Variants in PDE6A observed in about 807,000 individuals in gnomAD.
PDE6A encodes the protein rod cGMP-specific 3',5'-cyclic phosphodiesterase subunit alpha.
A neutral mutation model predicts 106.3 loss-of-function variants in PDE6A; 84 were observed. The observed-to-expected ratio is 0.79, with a 90% CI of 0.66 to 0.95. PDE6A has a LOEUF of 0.95. Ranked by LOEUF, PDE6A falls within the 40% of genes least tolerant of loss-of-function variation. The pLI is 0.00. For missense variants in PDE6A, 1,052 were observed against 1,084.9 expected (o/e 0.97, Z 0.43); for synonymous variants, 394 against 386.6 (o/e 1.02, Z -0.23).
intron 6 of PDE6A, among the ~76,000 whole-genome samples, chr5:149,911,481 C>T (rs1379001980): frequency 6.6e-6 from 1 of 152,114 alleles, no homozygotes; most frequent in African/African-American, 2.4e-5. Flanking sequence ...GTAGATGAAA[C>T]TTATTGTAAC....
Position 149,931,170 on chromosome 5 carries a change from T to C in PDE6A, c.718-2A>G. 6.2e-7 allele frequency: 1 copy of C among 1,614,048 alleles called. No individual in the cohort carries two copies. The highest frequency in any genetic ancestry group is 8.5e-7 in the Non-Finnish European group (1 of 1,179,964). On this transcript the variant is annotated splice_acceptor_variant, in intron 3 of 21. Coordinates refer to ENST00000255266, the MANE Select transcript of PDE6A (RefSeq NM_000440.3). LOFTEE classifies it high-confidence loss of function. ...TTTGCTCCCAGACCACAGCAGTATC[T>C]GAAAAAACACAAAAACATATTCATA...
At chr5:149,938,986 C>A (rs932565274) in intron 1 of PDE6A, among the ~76,000 whole-genome samples, 1 of 152,090 alleles carries the variant, frequency 6.6e-6, no homozygotes, top group Non-Finnish European at 1.5e-5. Context: ...GAATCTAGAC[C>A]CCTGTCTACA....
intron 8 of PDE6A, among the ~76,000 whole-genome samples, chr5:149,901,046 G>T (rs2113600502): frequency 6.6e-6 from 1 of 152,144 alleles, no homozygotes; most frequent in Non-Finnish European, 1.5e-5. Flanking sequence ...CTCCCAAGTA[G>T]CTGGGATTAC....
chr5:149,884,131 G>C (rs555448912), intron 16 of PDE6A, among the ~76,000 whole-genome samples: 1 of 151,038 alleles, frequency 6.6e-6, no homozygotes, highest in African/African-American at 2.4e-5. Flanking sequence ...GCAGTGAGCT[G>C]TGATGGTGCC....
intron 21 of PDE6A, among the ~76,000 whole-genome samples, chr5:149,862,543 G>A (rs921451274): frequency 1.3e-5 from 2 of 152,190 alleles, no homozygotes; most frequent in African/African-American, 4.8e-5. Flanking sequence ...TGGATCACCT[G>A]AGGTCAGGAG....
intron 14 of PDE6A, 101 bp from the exon 15 acceptor site, chr5:149,884,968 T>A: frequency 4.2e-6 from 4 of 950,782 alleles, no homozygotes; most frequent in Non-Finnish European, 6.7e-6. Context: ...CCACAAGTGA[T>A]TCCGAGTTAC....
chr5:149,889,273 G>A (rs1053869435), intron 13 of PDE6A, among the ~76,000 whole-genome samples: 12 of 151,778 alleles, frequency 7.9e-5, no homozygotes, highest in African/African-American at 1.2e-4. Flanking sequence ...TTAGGTAATT[G>A]ACCTAGGAAA....
chr5:149,877,034 G>C (rs1581159023), intron 17 of PDE6A, among the ~76,000 whole-genome samples: 1 of 152,136 alleles, frequency 6.6e-6, no homozygotes, highest in African/African-American at 2.4e-5. Context: ...AAAGACAGAT[G>C]ATAGAAAGAA....
chr5:149,923,505 TAACATAACATAACATAACATAA>T (rs1753782205), intron 4 of PDE6A, among the ~76,000 whole-genome samples: 2 of 2,950 alleles, frequency 6.8e-4, no homozygotes, highest in East Asian at 0.25. Flanking sequence ...CTCAAATAAA[TAACATAACATAACATAACATAA>T]CATAACATAA....
chr5:149,930,877 C>T, intron 4 of PDE6A, 151 bp downstream of exon 4: 1 of 758,544 alleles, frequency 1.3e-6, no homozygotes. Context: ...GGCTGATACT[C>T]CTCAGTAGAG....
chr5:149,911,060 T>C (rs1423499376), intron 6 of PDE6A, among the ~76,000 whole-genome samples: 1 of 151,750 alleles, frequency 6.6e-6, no homozygotes, highest in Non-Finnish European at 1.5e-5. Flanking sequence ...TTGTATTTTT[T>C]TGTGGAGATG....
intron 1 of PDE6A, chr5:149,940,174 C>G (rs552054929): frequency 6.6e-6 from 1 of 152,224 alleles, no homozygotes; most frequent in African/African-American, 2.4e-5. Flanking sequence ...AGCAAGTTAC[C>G]AAAACTTTCT....
rs781724083 is a variant in PDE6A at position 149,886,254 on chromosome 5, G to A, written c.1838+11C>T. On this transcript the variant is annotated intron_variant, in intron 14 of 21. Coordinates refer to ENST00000255266, the MANE Select transcript of PDE6A (RefSeq NM_000440.3). Reference sequence around the variant, plus strand: ...CCGGAGGGTTGGGTGTGGGGAGGGAGGCTGACTCACTTCATCTGGTAGAGG... The same window carrying A: ...CCGGAGGGTTGGGTGTGGGGAGGGAAGCTGACTCACTTCATCTGGTAGAGG... The A allele has an allele frequency of 3.2e-6, 5 of 1,585,900 alleles. No individual in the cohort carries two copies. Among genetic ancestry groups the A allele is most frequent in the Non-Finnish European group, 3.5e-6 (4 of 1,154,180 alleles).
intron 19 of PDE6A, chr5:149,866,748 T>C (rs964911059): frequency 6.2e-6 from 1 of 161,808 alleles, no homozygotes; most frequent in African/African-American, 2.4e-5. Flanking sequence ...TATGAAGCTC[T>C]TGTCTCATAG....
intron 17 of PDE6A, among the ~76,000 whole-genome samples, chr5:149,870,710 C>T (rs1353879738): frequency 7.0e-6 from 1 of 142,162 alleles, no homozygotes; most frequent in Admixed American, 7.5e-5. Flanking sequence ...AAGTGCTGTG[C>T]TGGGCACAGG....
At position 149,887,940 on chromosome 5, in the gene PDE6A, C is replaced by T. The variant is rs562605952; in HGVS notation, c.1729-1566G>A. Among the ~76,000 whole-genome samples the T allele has an allele frequency of 5.3e-5, 8 of 152,178 alleles. No individual in the cohort carries two copies. The South Asian group carries it at 1.7e-3, about 32-fold the overall frequency. On this transcript the variant is annotated intron_variant, in intron 13 of 21. Coordinates refer to ENST00000255266, the MANE Select transcript of PDE6A (RefSeq NM_000440.3). Reference sequence around the variant, plus strand: ...GTAGATTTTATGCTGGGCGTAAAGCCTGCATTTGCTCTTGAGCCGCCCTCT... The same window carrying T: ...GTAGATTTTATGCTGGGCGTAAAGCTTGCATTTGCTCTTGAGCCGCCCTCT...
intron 5 of PDE6A, among the ~76,000 whole-genome samples, chr5:149,917,049 CTTT>C (rs575173849): frequency 7.0e-6 from 1 of 142,098 alleles, no homozygotes; most frequent in Admixed American, 7.0e-5. Flanking sequence ...AAGGGGATAT[CTTT>C]TTTTTTTTTT....
At chr5:149,921,267 TAG>T (rs1253182343) in intron 5 of PDE6A, among the ~76,000 whole-genome samples, 2 of 151,890 alleles carry the variant, frequency 1.3e-5, no homozygotes, top group African/African-American at 4.8e-5. Flanking sequence ...ATTAAACACT[TAG>T]CTTCTTGTTA....
intron 4 of PDE6A, among the ~76,000 whole-genome samples, chr5:149,927,347 T>A (rs1753892630): frequency 6.6e-6 from 1 of 152,174 alleles, no homozygotes; most frequent in Admixed American, 6.5e-5. Flanking sequence ...TACTATAGAC[T>A]TTATAAACAC....
Sources: gnomAD v4.1 joint callset for allele counts (sites outside exome capture counted in the v4.1 genomes callset) on GRCh38, gnomAD v4.1.1 for gene constraint, MANE v1.5 for transcripts, NCBI Gene and HGNC (gene_info 2026-07-23, HGNC 2026-07-21) for gene names.